Variants in ASAP2 observed in about 807,000 individuals in gnomAD.
ASAP2 encodes ArfGAP with SH3 domain, ankyrin repeat and PH domain 2.
A neutral mutation model predicts 131.4 loss-of-function variants in ASAP2; 45 were observed. That is an observed-to-expected ratio of 0.34 (90% CI 0.27 to 0.44). The LOEUF (loss-of-function observed/expected upper bound fraction) is 0.44. ASAP2 is among the 20% of genes least tolerant of loss of function. The pLI is 1.00. For missense variants in ASAP2, 1,011 were observed against 1,297.0 expected (o/e 0.78, Z 3.39); for synonymous variants, 510 against 503.0 (o/e 1.01, Z -0.19).
chr2:9,297,242 G>A, intron 2 of ASAP2, 58 bp from the exon 3 acceptor site: 1 of 1,598,122 alleles, frequency 6.3e-7, no homozygotes, highest in Non-Finnish European at 8.6e-7. Flanking sequence ...AGAAGAACCT[G>A]GTGGGGAGTG....
intron 1 of ASAP2, among the ~76,000 whole-genome samples, chr2:9,238,547 C>G (rs150665092): frequency 1.6e-3 from 238 of 152,284 alleles, no homozygotes; most frequent in African/African-American, 5.3e-3. Context: ...AGGGTCTTTT[C>G]TGGTGTACAG....
rs201505810 is a variant in ASAP2 at position 9,374,804 on chromosome 2, G to A, written c.1606G>A (p.Ala536Thr). Residue 536 changes from alanine to threonine, a missense_variant, in exon 17 of 28, where the codon GCA becomes ACA. Physicochemically the swap from Ala to Thr is moderately conservative, Grantham distance 58. This residue lies in a region of ASAP2 where 652 missense variants were observed against 698.9 expected (regional missense o/e 0.93). Transcript: ENST00000281419. ...ITAKYIERRY[A>T]RKKHADNAAK... Reference sequence around the variant, plus strand: ...AGCCAAGTACATCGAGAGGAGATACGCAAGGAAGAAGCACGCGGATAACGC... The same window carrying A: ...AGCCAAGTACATCGAGAGGAGATACACAAGGAAGAAGCACGCGGATAACGC... The A allele has an allele frequency of 7.4e-6, 12 of 1,612,670 alleles. No individual in the cohort carries two copies. Among genetic ancestry groups the A allele is most frequent in the South Asian group, 2.2e-5 (2 of 90,680 alleles).
At chr2:9,390,320 G>A (rs1675619238) in intron 22 of ASAP2, among the ~76,000 whole-genome samples, 1 of 152,238 alleles carries the variant, frequency 6.6e-6, no homozygotes, top group Admixed American at 6.5e-5. Flanking sequence ...CTCCCCAGGG[G>A]AGGAGCTCGA....
intron 21 of ASAP2, among the ~76,000 whole-genome samples, chr2:9,387,067 T>G (rs1466406451): frequency 8.8e-5 from 11 of 125,018 alleles, no homozygotes; most frequent in South Asian, 2.5e-4. Flanking sequence ...TTAGCCGGGC[T>G]TGGTGGTGGG....
At chr2:9,353,687 G>T (rs950309161) in intron 12 of ASAP2, among the ~76,000 whole-genome samples, 1 of 152,198 alleles carries the variant, frequency 6.6e-6, no homozygotes, top group African/African-American at 2.4e-5. Flanking sequence ...TCCTCATCTG[G>T]TCAGTTCATC....
At chr2:9,302,938 G>T (rs1304323834) in intron 3 of ASAP2, among the ~76,000 whole-genome samples, 2 of 152,140 alleles carry the variant, frequency 1.3e-5, no homozygotes, top group Non-Finnish European at 2.9e-5. Context: ...GGCTGCATTG[G>T]TACTAGTACA....
At chr2:9,208,646 A>G (rs1358428545) in intron 1 of ASAP2, among the ~76,000 whole-genome samples, 1 of 152,170 alleles carries the variant, frequency 6.6e-6, no homozygotes, top group East Asian at 1.9e-4. Context: ...TTTCCTATGA[A>G]TTCGGTGATT....
chr2:9,342,922 G>A (rs1233259794), intron 9 of ASAP2, among the ~76,000 whole-genome samples: 1 of 152,200 alleles, frequency 6.6e-6, no homozygotes, highest in Non-Finnish European at 1.5e-5. Context: ...TTGCCTTCAT[G>A]TTTAAAACTC....
intron 2 of ASAP2, among the ~76,000 whole-genome samples, chr2:9,294,458 G>C (rs1668030090): frequency 6.6e-6 from 1 of 152,144 alleles, no homozygotes; most frequent in Non-Finnish European, 1.5e-5. Flanking sequence ...CCAAGGGCTG[G>C]AGGACCAAGG....
intron 2 of ASAP2, among the ~76,000 whole-genome samples, chr2:9,288,430 A>G (rs917055067): frequency 3.3e-5 from 5 of 152,306 alleles, no homozygotes; most frequent in African/African-American, 1.2e-4. Context: ...GTGAAACCAC[A>G]GGAGTCAGCT....
At chr2:9,333,083 T>TGA (rs1431339082) in intron 7 of ASAP2, among the ~76,000 whole-genome samples, 3 of 152,242 alleles carry the variant, frequency 2.0e-5, no homozygotes, top group Non-Finnish European at 4.4e-5. Context: ...CTTCTGTGTG[T>TGA]GACGCATTTG....
At chr2:9,319,130 G>A (rs1177693332) in intron 4 of ASAP2, among the ~76,000 whole-genome samples, 1 of 152,064 alleles carries the variant, frequency 6.6e-6, no homozygotes, top group Non-Finnish European at 1.5e-5. Context: ...CTGGAGGGGC[G>A]TTTGCTCATG....
intron 2 of ASAP2, among the ~76,000 whole-genome samples, chr2:9,293,263 G>T (rs571526681): frequency 6.6e-6 from 1 of 152,294 alleles, no homozygotes; most frequent in Admixed American, 6.5e-5. Context: ...TGAGGTGGGG[G>T]AGATAAAGGG....
At chr2:9,282,798 T>C (rs1280732098) in intron 2 of ASAP2, among the ~76,000 whole-genome samples, 1 of 152,250 alleles carries the variant, frequency 6.6e-6, no homozygotes, top group African/African-American at 2.4e-5. Context: ...GGGACCAAGA[T>C]TTCCTGCCTG....
chr2:9,342,387 A>G (rs183008773), intron 9 of ASAP2, among the ~76,000 whole-genome samples: 1 of 152,230 alleles, frequency 6.6e-6, no homozygotes, highest in Non-Finnish European at 1.5e-5. Context: ...TATTTTTAAC[A>G]AGGGTGCCAA....
chr2:9,214,509 G>T (rs1661854600), intron 1 of ASAP2, among the ~76,000 whole-genome samples: 1 of 151,978 alleles, frequency 6.6e-6, no homozygotes, highest in Admixed American at 6.5e-5. Flanking sequence ...CAAAGTGCTG[G>T]GATTATAGGC....
intron 2 of ASAP2, among the ~76,000 whole-genome samples, chr2:9,287,128 C>T (rs80287320): frequency 0.036 from 5,479 of 152,358 alleles, 243 homozygotes; most frequent in African/African-American, 0.097. Flanking sequence ...CGTCCCGTCT[C>T]TGCTTCTGAC....
In ASAP2 at chr2:9,367,926, T is replaced by A. The variant is rs79383218; in HGVS notation, c.1462-499T>A. ...TATAGGTATCATCCCATTTTACTGA[T>A]GAAAACTCTGCCGCTCAGGGAAACT... On this transcript the variant is annotated intron_variant, in intron 15 of 27. Transcript: ENST00000281419. Among the ~76,000 whole-genome samples the A allele has an allele frequency of 5.9e-3, 900 of 152,328 alleles. 11 individuals are homozygous for A. The highest frequency in any genetic ancestry group is 0.02 in the African/African-American group (850 of 41,558).
chr2:9,294,415 A>G (rs964522746), intron 2 of ASAP2, among the ~76,000 whole-genome samples: 2 of 152,122 alleles, frequency 1.3e-5, no homozygotes, highest in African/African-American at 4.8e-5. Context: ...CATAAAGTCT[A>G]CTATCAGTGA....
Sources: gnomAD v4.1 joint callset for allele counts (sites outside exome capture counted in the v4.1 genomes callset) on GRCh38, gnomAD v4.1.1 for gene constraint, gnomAD v4.1.1 regional missense constraint, MANE v1.5 for transcripts, NCBI Gene and HGNC (gene_info 2026-07-23, HGNC 2026-07-21) for gene names.